Variants in MYO1C observed in about 807,000 individuals in gnomAD.
MYO1C encodes the protein unconventional myosin-Ic.
A neutral mutation model predicts 150.8 loss-of-function variants in MYO1C; 104 were observed. The ratio of observed to expected loss-of-function variants is 0.69; its 90% CI spans 0.59 to 0.81. The LOEUF (loss-of-function observed/expected upper bound fraction) is 0.81, where lower values mean the gene tolerates loss of function less well. Ranked by LOEUF, MYO1C falls within the 30% of genes least tolerant of loss-of-function variation. The pLI, the probability that MYO1C is intolerant of heterozygous loss-of-function variation, is 0.00. For missense variants in MYO1C, 1,504 were observed against 1,435.0 expected (o/e 1.05, Z -0.78); for synonymous variants, 663 against 579.9 (o/e 1.14, Z -2.06).
intron 1 of MYO1C, chr17:1,491,708 C>A (rs1458927121): frequency 3.2e-6 from 3 of 938,762 alleles, no homozygotes; most frequent in African/African-American, 3.6e-5. Context: ...GGGGCCGGGC[C>A]GCAGCCTGTC....
intron 31 of MYO1C, 21 bp from the exon 32 acceptor site, chr17:1,465,773 G>C: frequency 7.6e-7 from 1 of 1,318,166 alleles, no homozygotes; most frequent in Non-Finnish European, 9.8e-7. Context: ...GGAGAGAGAC[G>C]GCCAAGTGGT....
rs139829355 is a variant in MYO1C, at chr17:1,472,013, C to T, written c.1915G>A (p.Glu639Lys). Residue 639 changes from glutamate (E) to lysine (K), a missense_variant, in exon 19 of 32, where the codon GAG becomes AAG. Physicochemically the swap from Glu to Lys is moderately conservative, Grantham distance 56. Transcript: ENST00000648651. ...NDAKQPGRFD[E>K]VLIRHQVKYL... ...TTCACCTGGTGGCGGATCAGCACCT[C>T]GTCAAAGCGGCCTGGGGTAGGGGGA... The T allele has an allele frequency of 1.2e-6, 2 of 1,613,976 alleles. No individual in the cohort carries two copies. Among genetic ancestry groups the T allele is most frequent in the East Asian group, 4.5e-5 (2 of 44,870 alleles).
At chr17:1,485,914 G>A (rs922627249) in intron 1 of MYO1C, 3 of 162,526 alleles carry the variant, frequency 1.8e-5, no homozygotes, top group African/African-American at 7.2e-5. Context: ...GTGGAGGTGG[G>A]GGTGTCGGGG....
intron 5 of MYO1C, chr17:1,481,199 C>A (rs957877160): frequency 3.2e-5 from 13 of 403,302 alleles, no homozygotes; most frequent in African/African-American, 2.6e-4. Context: ...TGTCTGCCCT[C>A]CTTGGTCAGT....
rs771916968 is a variant in MYO1C, at chr17:1,483,043, T to C, written c.364A>G (p.Thr122Ala). 2.3e-5 allele frequency: 37 copies of C among 1,608,876 alleles called. No homozygotes were observed. Among genetic ancestry groups the C allele is most frequent in the Admixed American group, 3.3e-5 (2 of 59,728 alleles). Residue 122 changes from threonine (T) to alanine (A), a missense_variant, in exon 4 of 32, where the codon ACT (threonine) becomes GCT (alanine). Transcript: ENST00000648651. ...VPPHLFAVAD[T>A]VYRALRTERR... ...TCCGTGCGCAGTGCTCGGTACACAG[T>C]GTCCGCCACGGCAAACCTGGGGCGG... is the stretch of plus-strand genomic sequence containing the variant.
chr17:1,481,257 C>T, intron 5 of MYO1C: 1 of 284,884 alleles, frequency 3.5e-6, no homozygotes, highest in East Asian at 9.0e-5. Flanking sequence ...TGGCAGTCCT[C>T]CTGGAAGCCT....
In MYO1C at chr17:1,464,194, C is replaced by T. The variant is rs1368656385; in HGVS notation, c.*1532G>A. ...TTCATAAGGAGACCACATTGGCAAA[C>T]ACGTATTGCTTTATTTAGTGTTTCT... On this transcript the variant is annotated 3_prime_UTR_variant, in exon 32 of 32. Transcript: ENST00000648651. 1.3e-5 allele frequency: 2 copies of T among 152,666 alleles called. No individual in the cohort carries two copies. Among genetic ancestry groups the T allele is most frequent in the African/African-American group, 4.8e-5 (2 of 41,468 alleles). The allele number at this position is 152,666 out of a possible 1,614,324, so 9.5% of individuals were successfully genotyped here.
At chr17:1,482,115 TAGCTTAGG>T (rs1352502458) in intron 5 of MYO1C, among the ~76,000 whole-genome samples, 4 of 151,912 alleles carry the variant, frequency 2.6e-5, no homozygotes, top group Non-Finnish European at 4.4e-5. Context: ...GGCATGATCA[TAGCTTAGG>T]GTAACCTTGG....
At chr17:1,485,969 CAG>C (rs2074648821) in intron 1 of MYO1C, 1 of 155,548 alleles carries the variant, frequency 6.4e-6, no homozygotes, top group Non-Finnish European at 1.4e-5. Context: ...CCGCCTGAGT[CAG>C]GTTTTCCAGG....
Position 1,468,516 on chromosome 17 carries a change from G to A in MYO1C, c.2611-20C>T. ...CTGCAGCTGAGGAGACAAGGGGGGT[G>A]AGGAGAGTGTCATGGTGGGGAGCAC... On this transcript the variant is annotated intron_variant, in intron 25 of 31. Transcript: ENST00000648651. The A allele has an allele frequency of 6.2e-7, 1 of 1,601,644 alleles. No individual in the cohort carries two copies. Among genetic ancestry groups the A allele is most frequent in the Non-Finnish European group, 8.6e-7 (1 of 1,169,284 alleles).
rs2074226248 is a variant in MYO1C, at chr17:1,468,400, C to T, written c.2704+3G>A. 4 of 1,613,946 alleles carry T rather than the reference C, an allele frequency of 2.5e-6. No homozygotes were observed. The highest frequency in any genetic ancestry group is 1.7e-5 in the Admixed American group (1 of 60,006). ...TCTGAGTGCTGGAAAGTCAGGGGCT[C>T]ACCAAGCCGAGTGCTGATGAAGAGC... On this transcript the variant is annotated splice_donor_region_variant and intron_variant, in intron 26 of 31. Coordinates refer to ENST00000648651, the MANE Select transcript of MYO1C (RefSeq NM_001080779.2).
At position 1,471,111 on chromosome 17, in the gene MYO1C, A is replaced by T; in HGVS notation, c.2172T>A (p.Phe724Leu). 2 of 1,614,164 alleles carry T rather than the reference A, an allele frequency of 1.2e-6. No homozygotes were observed. The highest frequency in any genetic ancestry group is 1.1e-5 in the South Asian group (1 of 91,080). Residue 724 changes from phenylalanine to leucine, a missense_variant, in exon 21 of 32, where the codon TTT (phenylalanine) becomes TTA (leucine). Physicochemically the swap from Phe to Leu is conservative, Grantham distance 22 (BLOSUM62 0). Transcript: ENST00000648651. ...KIFIRFPKTL[F>L]ATEDALEVRR... ...GGACCTCCAGGGCATCCTCTGTGGC[A>T]AACAGGGTCTTGGGGAAGCGGATGA...
At position 1,471,430 on chromosome 17, in the gene MYO1C, A is replaced by G. The variant is rs1414663761; in HGVS notation, c.2022-94T>C. ...CTCTGGGCACCTGCTGGGTGCTCCC[A>G]CTGACTCGTTCACAGCTAGCAGGAG... On this transcript the variant is annotated intron_variant, in intron 19 of 31. Transcript: ENST00000648651. The G allele has an allele frequency of 5.0e-6, 5 of 999,656 alleles. No homozygotes were observed. In the Admixed American group the frequency reaches 7.8e-5, roughly 16 times the overall value. 61.9% of individuals were successfully genotyped at this position (999,656 alleles called of 1,614,324 possible). A position where few individuals can be genotyped will look rare whatever the true frequency, so the allele number is the denominator to read the frequency against.
At position 1,483,544 on chromosome 17, in the gene MYO1C, G is replaced by A. The variant is rs1239918267; in HGVS notation, c.347+66C>T. On this transcript the variant is annotated intron_variant, in intron 3 of 31. Coordinates refer to ENST00000648651, the MANE Select transcript of MYO1C (RefSeq NM_001080779.2). ...CCAGGATCATTTCAGAGTAAGGTAA[G>A]GGTTGGGCGGGGTCACCTCAGATGG... is the stretch of plus-strand genomic sequence containing the variant. 9 of 1,147,070 alleles carry A rather than the reference G, an allele frequency of 7.8e-6. No homozygotes were observed. In the Admixed American group the frequency reaches 1.4e-4, roughly 18 times the overall value. The allele number at this position is 1,147,070 out of a possible 1,614,324, so 71.1% of individuals were successfully genotyped here. A position where few individuals can be genotyped will look rare whatever the true frequency, so the allele number is the denominator to read the frequency against.
At chr17:1,485,920 C>T (rs1201585785) in intron 1 of MYO1C, 1 of 146,774 alleles carries the variant, frequency 6.8e-6, no homozygotes, top group African/African-American at 2.5e-5. Flanking sequence ...GTGGGGGTGT[C>T]GGGGCGGGGG....
chr17:1,478,765 A>G lies in MYO1C; in HGVS notation c.1093-30T>C. 4 of 1,611,992 alleles carry G rather than the reference A, an allele frequency of 2.5e-6. No individual in the cohort carries two copies. Among genetic ancestry groups the G allele is most frequent in the Non-Finnish European group, 3.4e-6 (4 of 1,179,990 alleles). ...GGACGCAGCGTGAGACAAGGAGATG[A>G]ATGCCACAGAGCCTGTGCATCCCAC... On this transcript the variant is annotated intron_variant, in intron 9 of 31. Transcript: ENST00000648651. The surrounding 1 kb of genome is among the most constrained non-coding windows in gnomAD (Gnocchi z 6.3).
chr17:1,479,448 T>G lies in MYO1C; in HGVS notation c.1075A>C (p.Ile359Leu), dbSNP rs897062944. The G allele has an allele frequency of 3.4e-6, 5 of 1,489,718 alleles. No individual in the cohort carries two copies. In the Admixed American group the frequency reaches 5.8e-5, roughly 17 times the overall value. 92.3% of individuals were successfully genotyped at this position (1,489,718 alleles called of 1,614,324 possible). A position where few individuals can be genotyped will look rare whatever the true frequency, so the allele number is the denominator to read the frequency against. Residue 359 changes from isoleucine to leucine, a missense_variant, in exon 9 of 32, where the codon ATC (isoleucine) becomes CTC (leucine). Ile to Leu is a conservative substitution (Grantham distance 5). Transcript: ENST00000648651. The surrounding 1 kb of genome is among the most constrained non-coding windows in gnomAD (Gnocchi z 4.2). ...GGCCTCACCTCCTCCCCCTTGGCGATGATCTTCCTGTGTGTCAGGGCTTCT... is the reference window on the plus strand; with the variant it reads ...GGCCTCACCTCCTCCCCCTTGGCGAGGATCTTCCTGTGTGTCAGGGCTTCT... ...LREALTHRKI[I>L]AKGEELLSPL...
At position 1,472,036 on chromosome 17, in the gene MYO1C, G is replaced by C; in HGVS notation, c.1904-12C>G. 6.2e-7 allele frequency: 1 copy of C among 1,613,792 alleles called. No individual in the cohort carries two copies. The highest frequency in any genetic ancestry group is 8.5e-7 in the Non-Finnish European group (1 of 1,179,816). ...CTCGTCAAAGCGGCCTGGGGTAGGG[G>C]GAGCGCCGTGGTCAGCGGGCTGGCG... On this transcript the variant is annotated splice_polypyrimidine_tract_variant and intron_variant, in intron 18 of 31. Transcript: ENST00000648651.
At position 1,472,176 on chromosome 17, in the gene MYO1C, G is replaced by T. The variant is rs764718052; in HGVS notation, c.1850C>A (p.Ser617Tyr). ...SLLQLVEILQSKEPAYVRCIK... is the reference protein window; with the variant it reads ...SLLQLVEILQYKEPAYVRCIK... ...GCAGCGGACGTAGGCGGGCTCCTTA[G>T]ACTGCAGGATCTCCACCAGCTGCAG... Residue 617 changes from serine (S) to tyrosine (Y), a missense_variant, in exon 18 of 32, where the codon TCT (serine) becomes TAT (tyrosine). Physicochemically the swap from Ser to Tyr is moderately radical, Grantham distance 144. Transcript: ENST00000648651. The T allele has an allele frequency of 1.2e-6, 2 of 1,614,170 alleles. No individual in the cohort carries two copies. The highest frequency in any genetic ancestry group is 1.7e-6 in the Non-Finnish European group (2 of 1,180,024).
Sources: gnomAD v4.1 joint callset for allele counts (sites outside exome capture counted in the v4.1 genomes callset) on GRCh38, gnomAD v4.1.1 for gene constraint, Gnocchi (gnomAD v3.1) non-coding constraint, MANE v1.5 for transcripts, NCBI Gene and HGNC (gene_info 2026-07-23, HGNC 2026-07-21) for gene names.